The following WDFY2 variants were observed in gnomAD, a reference collection of about 807,000 sequenced individuals.
WDFY2 encodes WD repeat and FYVE domain-containing protein 2.
WDFY2 carries 36 observed loss-of-function variants against 56.4 expected under a neutral mutation model. The ratio of observed to expected loss-of-function variants is 0.64; its 90% CI spans 0.49 to 0.84. WDFY2 has a LOEUF of 0.84. WDFY2 is among the 40% of genes least tolerant of loss of function. WDFY2 has a pLI of 0.00. For synonymous variants in WDFY2, 176 were observed against 183.7 expected (o/e 0.96, Z 0.34); for missense variants, 444 against 512.2 (o/e 0.87, Z 1.29).
Position 51,727,740 on chromosome 13 carries a change from A to T in WDFY2, c.548A>T (p.Lys183Ile), listed in dbSNP as rs1952635664. 6.2e-7 allele frequency: 1 copy of T among 1,614,174 alleles called. No individual in the cohort carries two copies. Among genetic ancestry groups the T allele is most frequent in the East Asian group, 2.2e-5 (1 of 44,884 alleles). Residue 183 changes from lysine (K) to isoleucine (I), a missense_variant, in exon 6 of 12, where the codon AAA (lysine) becomes ATA (isoleucine). Physicochemically the swap from Lys to Ile is moderately radical, Grantham distance 102. Coordinates refer to ENST00000298125, the MANE Select transcript of WDFY2 (RefSeq NM_052950.4). ...GDHSGQVTIL[K>I]LEQENCTLVT... ...CACTCAGGCCAAGTAACAATCCTCA[A>T]ACTGGAGCAAGAAAACTGCACCCTG...
intron 1 of WDFY2, among the ~76,000 whole-genome samples, chr13:51,621,542 A>G (rs1055290364): frequency 7.9e-5 from 12 of 152,184 alleles, no homozygotes; most frequent in Middle Eastern, 3.2e-3. Context: ...CATTAAATCT[A>G]GAGGAATTAA....
chr13:51,598,913 T>C (rs2138306062), intron 1 of WDFY2, among the ~76,000 whole-genome samples: 1 of 148,380 alleles, frequency 6.7e-6, no homozygotes, highest in South Asian at 2.2e-4. Flanking sequence ...TACTTTTTTT[T>C]TTTTTTTTTT....
At chr13:51,664,269 G>A (rs1044142684) in intron 2 of WDFY2, among the ~76,000 whole-genome samples, 14 of 152,150 alleles carry the variant, frequency 9.2e-5, no homozygotes, top group African/African-American at 2.7e-4. Flanking sequence ...CTCCTCCTCC[G>A]TAGAAGGGAG....
At position 51,751,326 on chromosome 13, in the gene WDFY2, C is replaced by G; in HGVS notation, c.742C>G (p.Leu248Val). 11 of 1,613,752 alleles carry G rather than the reference C, an allele frequency of 6.8e-6. No homozygotes were observed. Among genetic ancestry groups the G allele is most frequent in the Non-Finnish European group, 5.9e-6 (7 of 1,179,786 alleles). ...LQGHNDRVQA[L>V]SYAQHTRQLI... ...CTTTCACAGCGACAGAGTCCAGGCC[C>G]TCTCCTATGCACAGCACACGCGACA... Residue 248 changes from leucine to valine, a missense_variant, in exon 8 of 12, where the codon CTC (leucine) becomes GTC (valine). Physicochemically the swap from Leu to Val is conservative, Grantham distance 32. Transcript: ENST00000298125.
intron 10 of WDFY2, among the ~76,000 whole-genome samples, chr13:51,757,636 TAAA>T (rs879596530): frequency 7.0e-6 from 1 of 142,700 alleles, no homozygotes; most frequent in Non-Finnish European, 1.5e-5. Flanking sequence ...TCTTCTTACT[TAAA>T]AAAAAAAAAA....
intron 1 of WDFY2, among the ~76,000 whole-genome samples, chr13:51,621,628 C>T (rs554022113): frequency 2.0e-5 from 3 of 152,182 alleles, no homozygotes; most frequent in Non-Finnish European, 4.4e-5. Flanking sequence ...TTATGGACTT[C>T]ATGTCCTAAA....
At chr13:51,589,697 A>G (rs1204601188) in intron 1 of WDFY2, 1 of 152,178 alleles carries the variant, frequency 6.6e-6, no homozygotes, top group Non-Finnish European at 1.5e-5. Flanking sequence ...GACTTTTCAG[A>G]GTGAGGGAGT....
chr13:51,651,053 T>G (rs1016032787), intron 1 of WDFY2, among the ~76,000 whole-genome samples: 23 of 152,320 alleles, frequency 1.5e-4, no homozygotes, highest in Middle Eastern at 3.4e-3. Flanking sequence ...CTGGACTTTT[T>G]TTGGTTGGTA....
At chr13:51,690,936 C>G (rs1236052261) in intron 3 of WDFY2, among the ~76,000 whole-genome samples, 1 of 152,200 alleles carries the variant, frequency 6.6e-6, no homozygotes, top group Admixed American at 6.5e-5. Context: ...TTGCATTTCT[C>G]TGATGGCCAG....
At chr13:51,679,133 G>C (rs1239820218) in intron 3 of WDFY2, among the ~76,000 whole-genome samples, 2 of 152,118 alleles carry the variant, frequency 1.3e-5, no homozygotes, top group African/African-American at 2.4e-5. Context: ...TAACGTAAAG[G>C]TACTGGATCG....
intron 1 of WDFY2, among the ~76,000 whole-genome samples, chr13:51,629,826 C>CTTTTTTTTT (rs11432630): frequency 4.6e-4 from 58 of 125,016 alleles, no homozygotes; most frequent in East Asian, 6.8e-4. Flanking sequence ...TCTTTCTTTT[C>CTTTTTTTTT]TTTTTTTTTT....
intron 3 of WDFY2, among the ~76,000 whole-genome samples, chr13:51,686,567 A>C (rs923575114): frequency 6.6e-6 from 1 of 152,156 alleles, no homozygotes; most frequent in Non-Finnish European, 1.5e-5. Flanking sequence ...TGGGTTTTAC[A>C]TGTAATATTG....
chr13:51,689,321 A>G (rs1233805883), intron 3 of WDFY2, among the ~76,000 whole-genome samples: 1 of 152,202 alleles, frequency 6.6e-6, no homozygotes, highest in African/African-American at 2.4e-5. Context: ...CAGCAGCCAA[A>G]CAGTTCGTGT....
intron 4 of WDFY2, among the ~76,000 whole-genome samples, chr13:51,714,998 C>T (rs929732920): frequency 2.0e-5 from 3 of 152,106 alleles, no homozygotes; most frequent in African/African-American, 7.2e-5. Context: ...AGAAAAGGTA[C>T]AGTAAAAATT....
At position 51,634,264 on chromosome 13, in the gene WDFY2, G is replaced by GT. The variant is rs1222218028; in HGVS notation, c.138-26320dup. ...TGTAGTCTTGCAAAGCCCTAGAAGT[G>GT]TTTTTTTTTTTTCAGAAGTAGTGGA... On this transcript the variant is annotated intron_variant, in intron 1 of 11. Transcript: ENST00000298125. Among the ~76,000 whole-genome samples, 1,082 of 140,198 alleles carry GT rather than the reference G, an allele frequency of 7.7e-3. 3 individuals carry two copies. Among genetic ancestry groups the GT allele is most frequent in the Middle Eastern group, 0.015 (4 of 264 alleles). 92.0% of individuals were successfully genotyped at this position (140,198 alleles called of 152,430 possible).
intron 7 of WDFY2, 118 bp from the exon 8 acceptor site, chr13:51,751,192 A>G (rs1474121362): frequency 3.6e-6 from 3 of 825,714 alleles, no homozygotes; most frequent in Non-Finnish European, 5.4e-6. Flanking sequence ...CAGGTTTCTA[A>G]GATCTACACT....
chr13:51,686,951 A>G (rs1052776219), intron 3 of WDFY2, among the ~76,000 whole-genome samples: 6 of 151,646 alleles, frequency 4.0e-5, no homozygotes, highest in Admixed American at 6.6e-5. Context: ...TGAGAAATCT[A>G]GTTCCTACTT....
intron 1 of WDFY2, among the ~76,000 whole-genome samples, chr13:51,596,415 T>C (rs374904565): frequency 2.6e-5 from 4 of 152,360 alleles, no homozygotes; most frequent in African/African-American, 9.6e-5. Flanking sequence ...ACATCAGATA[T>C]GCAAAATATA....
At chr13:51,638,849 G>A (rs544085260) in intron 1 of WDFY2, among the ~76,000 whole-genome samples, 2 of 152,230 alleles carry the variant, frequency 1.3e-5, no homozygotes, top group East Asian at 3.9e-4. Context: ...GGGACTATGT[G>A]GCTTATCAGC....
Sources: gnomAD v4.1 joint callset for allele counts (sites outside exome capture counted in the v4.1 genomes callset) on GRCh38, gnomAD v4.1.1 for gene constraint, MANE v1.5 for transcripts, NCBI Gene and HGNC (gene_info 2026-07-23, HGNC 2026-07-21) for gene names.